PLD1: variants seen among roughly 807,000 people sequenced by gnomAD.
PLD1 encodes the protein phospholipase D1, also known as choline phosphatase 1.
Under a neutral mutation model 137.1 loss-of-function variants are expected in PLD1, and 112 were observed. The ratio of observed to expected loss-of-function variants is 0.82; its 90% CI spans 0.70 to 0.96. The LOEUF is 0.96. Among genes scored for constraint, PLD1 ranks in the 40% least tolerant of loss-of-function variants. The pLI is 0.00. For missense variants in PLD1, 1,321 were observed against 1,342.0 expected (o/e 0.98, Z 0.24); for synonymous variants, 431 against 454.7 (o/e 0.95, Z 0.66).
chr3:171,605,286 A>T lies in PLD1; in HGVS notation c.3000+13T>A. On this transcript the variant is annotated intron_variant, in intron 26 of 26. Coordinates refer to ENST00000351298, the MANE Select transcript of PLD1 (RefSeq NM_002662.5). ...GTGAAAAGAAACGGAGGAGGGGAATACGTGAACTTCACCTTGTCATAAATT... is the reference window on the plus strand; with the variant it reads ...GTGAAAAGAAACGGAGGAGGGGAATTCGTGAACTTCACCTTGTCATAAATT... The T allele has an allele frequency of 7.2e-7, 1 of 1,388,892 alleles. No homozygotes were observed. Among genetic ancestry groups the T allele is most frequent in the Non-Finnish European group, 1.0e-6 (1 of 974,344 alleles). 86.0% of individuals were successfully genotyped at this position (1,388,892 alleles called of 1,614,324 possible).
At chr3:171,619,541 C>T (rs1733413656) in intron 24 of PLD1, among the ~76,000 whole-genome samples, 1 of 152,178 alleles carries the variant, frequency 6.6e-6, no homozygotes, top group Non-Finnish European at 1.5e-5. Flanking sequence ...CAAAGTTGGA[C>T]TGCTCTACAT....
At chr3:171,790,791 A>G (rs144487554) in intron 1 of PLD1, among the ~76,000 whole-genome samples, 1 of 152,318 alleles carries the variant, frequency 6.6e-6, no homozygotes, top group Non-Finnish European at 1.5e-5. Flanking sequence ...TGACTTCTAG[A>G]GCCGTCATGC....
intron 11 of PLD1, among the ~76,000 whole-genome samples, chr3:171,700,881 TTAAACATGTACATGA>T (rs1716185827): frequency 6.6e-6 from 1 of 152,152 alleles, no homozygotes; most frequent in African/African-American, 2.4e-5. Flanking sequence ...AGTTTCTGAG[TTAAACATGTACATGA>T]TGTAACTTCC....
chr3:171,767,277 C>A (rs183638961), intron 1 of PLD1, among the ~76,000 whole-genome samples: 1 of 152,286 alleles, frequency 6.6e-6, no homozygotes, highest in East Asian at 1.9e-4. Flanking sequence ...CATTTACGGG[C>A]CATGGGCAAC....
At chr3:171,737,253 C>T (rs1458772062) in intron 3 of PLD1, among the ~76,000 whole-genome samples, 1 of 152,198 alleles carries the variant, frequency 6.6e-6, no homozygotes, top group East Asian at 1.9e-4. Flanking sequence ...TTAAGAGAGG[C>T]ACTTTGCAAT....
chr3:171,801,729 T>G (rs1245478069), intron 1 of PLD1, among the ~76,000 whole-genome samples: 1 of 152,206 alleles, frequency 6.6e-6, no homozygotes, highest in East Asian at 1.9e-4. Context: ...GTGCCCAGCC[T>G]ATGGCCTGCC....
At chr3:171,800,519 T>G (rs1262974785) in intron 1 of PLD1, among the ~76,000 whole-genome samples, 1 of 152,122 alleles carries the variant, frequency 6.6e-6, no homozygotes, top group Non-Finnish European at 1.5e-5. Context: ...CAAACATAAT[T>G]TTTAAAAGGC....
At chr3:171,734,119 T>C (rs1428755916) in intron 5 of PLD1, among the ~76,000 whole-genome samples, 1 of 152,216 alleles carries the variant, frequency 6.6e-6, no homozygotes, top group Non-Finnish European at 1.5e-5. Context: ...GTTGAATTCA[T>C]ACATGTGCAC....
chr3:171,774,700 C>A (rs1304883274), intron 1 of PLD1, among the ~76,000 whole-genome samples: 2 of 152,156 alleles, frequency 1.3e-5, no homozygotes, highest in Non-Finnish European at 2.9e-5. Context: ...CCGTAAACCC[C>A]GCAGCAGCAT....
In PLD1 at chr3:171,776,386, T is replaced by C. The variant is rs568326955; in HGVS notation, c.-32+34013A>G. ...TTCTCTCCAGGCTTCTATTTACAGG[T>C]AAGGCTAAGAATTTGTTTCCTTGCT... On this transcript the variant is annotated intron_variant, in intron 1 of 26. Transcript: ENST00000351298. Among the ~76,000 whole-genome samples, 6 of 152,336 alleles carry C rather than the reference T, an allele frequency of 3.9e-5. No individual in the cohort carries two copies. In the South Asian group the frequency reaches 1.2e-3, roughly 32 times the overall value.
At chr3:171,776,815 G>C (rs1161352695) in intron 1 of PLD1, among the ~76,000 whole-genome samples, 1 of 152,064 alleles carries the variant, frequency 6.6e-6, no homozygotes, top group Non-Finnish European at 1.5e-5. Context: ...GCAAAGTGTA[G>C]CATCATTTTG....
intron 1 of PLD1, among the ~76,000 whole-genome samples, chr3:171,749,500 A>G (rs1720505031): frequency 6.6e-6 from 1 of 152,240 alleles, no homozygotes; most frequent in African/African-American, 2.4e-5. Flanking sequence ...ATCCAAGATC[A>G]CAATGTCTAG....
intron 19 of PLD1, among the ~76,000 whole-genome samples, chr3:171,662,881 G>A (rs1711660645): frequency 6.6e-6 from 1 of 152,206 alleles, no homozygotes; most frequent in South Asian, 2.1e-4. Context: ...AACTTGCATG[G>A]TGTCACAGAG....
At chr3:171,794,975 T>C (rs955065568) in intron 1 of PLD1, among the ~76,000 whole-genome samples, 2 of 152,244 alleles carry the variant, frequency 1.3e-5, no homozygotes, top group African/African-American at 4.8e-5. Context: ...CAATTTATAA[T>C]AGACATATGC....
chr3:171,684,904 T>C (rs1714393240), intron 16 of PLD1, among the ~76,000 whole-genome samples: 1 of 152,220 alleles, frequency 6.6e-6, no homozygotes, highest in South Asian at 2.1e-4. Context: ...CATTCTTAAA[T>C]ATATATCGAT....
At position 171,674,729 on chromosome 3, in the gene PLD1, G is replaced by A. The variant is rs1287379557; in HGVS notation, c.2116-116C>T. On this transcript the variant is annotated intron_variant, in intron 18 of 26. Transcript: ENST00000351298. ...GCAGTGGCTCACGCCTGTAATCCCA[G>A]CACTTTGGGAGGCCAAGAAGCGGGG... The A allele has an allele frequency of 3.0e-5, 16 of 539,442 alleles. No homozygotes were observed. The East Asian group carries it at 4.3e-4, about 15-fold the overall frequency. The allele number at this position is 539,442 out of a possible 1,614,324, so 33.4% of individuals were successfully genotyped here. A position where few individuals can be genotyped will look rare whatever the true frequency, so the allele number is the denominator to read the frequency against.
At chr3:171,620,577 A>G in intron 23 of PLD1, 57 bp from the exon 24 acceptor site, 1 of 1,008,254 alleles carries the variant, frequency 9.9e-7, no homozygotes, top group Non-Finnish European at 1.5e-6. Context: ...ATAAACGTAC[A>G]TTAAATCTTA....
chr3:171,663,101 G>T (rs778252739), intron 19 of PLD1, among the ~76,000 whole-genome samples: 8 of 152,144 alleles, frequency 5.3e-5, no homozygotes, highest in Non-Finnish European at 1.2e-4. Flanking sequence ...TACCCCACTG[G>T]CCAGGGGCAT....
Position 171,765,508 on chromosome 3 carries a change from G to A in PLD1, c.-31-27426C>T, listed in dbSNP as rs553692877. The A allele has an allele frequency of 4.6e-5, 7 of 152,196 alleles. No individual in the cohort carries two copies. In the South Asian group the frequency reaches 1.2e-3, roughly 27 times the overall value. The allele number at this position is 152,196 out of a possible 1,614,324, so 9.4% of individuals were successfully genotyped here. A position where few individuals can be genotyped will look rare whatever the true frequency, so the allele number is the denominator to read the frequency against. ...AGTTTTTACCAACCTAGGAGAAATG[G>A]AAATAAAATTTCATTCATCATTACT... On this transcript the variant is annotated intron_variant, in intron 1 of 26. Coordinates refer to ENST00000351298, the MANE Select transcript of PLD1 (RefSeq NM_002662.5).
Sources: gnomAD v4.1 joint callset for allele counts (sites outside exome capture counted in the v4.1 genomes callset) on GRCh38, gnomAD v4.1.1 for gene constraint, MANE v1.5 for transcripts, NCBI Gene and HGNC (gene_info 2026-07-23, HGNC 2026-07-21) for gene names.